Variants in AATF observed in about 807,000 individuals in gnomAD.
The protein encoded by AATF is protein AATF.
A neutral mutation model predicts 63.7 loss-of-function variants in AATF; 48 were observed. The ratio of observed to expected loss-of-function variants is 0.75; its 90% CI spans 0.60 to 0.96. AATF has a LOEUF of 0.96. Among genes scored for constraint, AATF ranks in the 40% least tolerant of loss-of-function variants. The probability of loss-of-function intolerance (pLI) is 0.00; values close to 1 mark genes in which losing one functional copy is unlikely to be tolerated. For missense variants in AATF, 639 were observed against 685.7 expected (o/e 0.93, Z 0.76); for synonymous variants, 258 against 247.7 (o/e 1.04, Z -0.39).
At chr17:37,003,248 G>A (rs2071315803) in intron 8 of AATF, among the ~76,000 whole-genome samples, 1 of 152,050 alleles carries the variant, frequency 6.6e-6, no homozygotes, top group African/African-American at 2.4e-5. Flanking sequence ...GGAGCAACTG[G>A]ATATCCACAT....
At chr17:37,001,616 A>C (rs2071299016) in intron 8 of AATF, among the ~76,000 whole-genome samples, 1 of 152,234 alleles carries the variant, frequency 6.6e-6, no homozygotes, top group African/African-American at 2.4e-5. Context: ...TAGAGACAGC[A>C]AAAGCCTTTA....
intron 8 of AATF, among the ~76,000 whole-genome samples, chr17:37,008,067 A>G (rs978188590): frequency 6.6e-6 from 1 of 152,142 alleles, no homozygotes; most frequent in Non-Finnish European, 1.5e-5. Flanking sequence ...TTTGTTACCT[A>G]TGTTTGAAAA....
chr17:37,032,091 A>G (rs2071556145), intron 11 of AATF, among the ~76,000 whole-genome samples: 1 of 152,196 alleles, frequency 6.6e-6, no homozygotes, highest in African/African-American at 2.4e-5. Context: ...GAGTGTTTTT[A>G]CAAAAGATGT....
rs201847689 is a variant in AATF at position 36,950,203 on chromosome 17, T to G, written c.92-11T>G. The G allele has an allele frequency of 1.2e-6, 2 of 1,609,876 alleles. No individual in the cohort carries two copies. The highest frequency in any genetic ancestry group is 1.7e-6 in the Non-Finnish European group (2 of 1,176,650). ...TGGAGATTCTGTTTACTTTTCCCTC[T>G]CCCCCGACAGCCACTGCTGCCAGGG... On this transcript the variant is annotated splice_polypyrimidine_tract_variant and intron_variant, in intron 1 of 11. Transcript: ENST00000619387.
chr17:37,046,215 C>T (rs2071688996), intron 11 of AATF, among the ~76,000 whole-genome samples: 2 of 152,028 alleles, frequency 1.3e-5, no homozygotes, highest in African/African-American at 2.4e-5. Flanking sequence ...TCAGAAGAGC[C>T]TTGCAAGGCA....
At chr17:36,951,974 A>T (rs1184722585) in intron 2 of AATF, among the ~76,000 whole-genome samples, 3 of 152,230 alleles carry the variant, frequency 2.0e-5, no homozygotes, top group Non-Finnish European at 4.4e-5. Flanking sequence ...CAGATTGGAT[A>T]AACTGTAAAA....
At chr17:36,996,612 C>T (rs375971063) in intron 8 of AATF, among the ~76,000 whole-genome samples, 1 of 152,252 alleles carries the variant, frequency 6.6e-6, no homozygotes, top group South Asian at 2.1e-4. Flanking sequence ...ATTGGAACTG[C>T]ATGGTAGTTT....
chr17:36,966,636 T>C (rs1320317900), intron 4 of AATF, among the ~76,000 whole-genome samples: 1 of 152,234 alleles, frequency 6.6e-6, no homozygotes, highest in East Asian at 1.9e-4. Context: ...GTTCCTTTTC[T>C]GTATAATTAA....
intron 11 of AATF, chr17:37,045,972 T>C (rs1457726713): frequency 3.9e-5 from 6 of 152,074 alleles, no homozygotes; most frequent in African/African-American, 1.4e-4. Flanking sequence ...AAGGATACTA[T>C]TAAAAACCAA....
intron 4 of AATF, among the ~76,000 whole-genome samples, chr17:36,968,117 C>G (rs1396578329): frequency 6.6e-6 from 1 of 151,564 alleles, no homozygotes; most frequent in Non-Finnish European, 1.5e-5. Context: ...TACTTGGCAT[C>G]AGACTGTTTC....
chr17:36,970,107 A>G (rs1362060468), intron 4 of AATF, among the ~76,000 whole-genome samples: 6 of 152,186 alleles, frequency 3.9e-5, no homozygotes, highest in Non-Finnish European at 5.9e-5. Context: ...TTTTATATGG[A>G]CATAGACTTT....
rs61536585 is a variant in AATF at position 37,028,276 on chromosome 17, G to T, written c.1548-3338G>T. On this transcript the variant is annotated intron_variant, in intron 10 of 11. Transcript: ENST00000619387. ...AAAAAAAAAATTTAAAAATTAGCCAGGCATGGTGGCGCACACCTCTAGTCC... is the reference window on the plus strand; with the variant it reads ...AAAAAAAAAATTTAAAAATTAGCCATGCATGGTGGCGCACACCTCTAGTCC... 1.5e-3 allele frequency among the ~76,000 whole-genome samples: 225 copies of T among 152,134 alleles called. 1 individual carries two copies. Among genetic ancestry groups the T allele is most frequent in the African/African-American group, 5.3e-3 (219 of 41,498 alleles).
At chr17:36,989,196 C>T (rs746561646) in intron 6 of AATF, 51 bp from the exon 7 acceptor site, 1 of 1,550,914 alleles carries the variant, frequency 6.4e-7, no homozygotes, top group South Asian at 1.2e-5. Flanking sequence ...ATGTAGCTTG[C>T]CTTCAGCACT....
At chr17:37,004,624 G>A (rs1027050623) in intron 8 of AATF, among the ~76,000 whole-genome samples, 1 of 152,158 alleles carries the variant, frequency 6.6e-6, no homozygotes, top group Non-Finnish European at 1.5e-5. Context: ...GGTAAGGGGT[G>A]AGAGCATGTG....
At chr17:36,957,695 TC>T (rs1438205479) in intron 4 of AATF, among the ~76,000 whole-genome samples, 2 of 150,768 alleles carry the variant, frequency 1.3e-5, no homozygotes, top group East Asian at 3.9e-4. Context: ...ACCTTTCTGA[TC>T]TCTTCTCTGG....
At chr17:37,039,785 G>A (rs2071622480) in intron 11 of AATF, among the ~76,000 whole-genome samples, 1 of 152,142 alleles carries the variant, frequency 6.6e-6, no homozygotes, top group African/African-American at 2.4e-5. Flanking sequence ...AAACACTGCT[G>A]TTGTTTCTTC....
In AATF at chr17:37,056,669, G is replaced by A. The variant is rs375247205; in HGVS notation, c.*5G>A. 3.8e-5 allele frequency: 61 copies of A among 1,613,988 alleles called. No homozygotes were observed. Among genetic ancestry groups the A allele is most frequent in the Non-Finnish European group, 2.7e-5 (32 of 1,180,006 alleles). ...GACGAAGGCCACGGGGATTGACATC[G>A]CCCACCTCCGACACCCAGTGGGCGC... is the stretch of plus-strand genomic sequence containing the variant. On this transcript the variant is annotated 3_prime_UTR_variant, in exon 12 of 12. Coordinates refer to ENST00000619387, the MANE Select transcript of AATF (RefSeq NM_012138.4).
intron 5 of AATF, 98 bp from the exon 6 acceptor site, chr17:36,988,421 T>C: frequency 3.5e-6 from 4 of 1,155,886 alleles, no homozygotes; most frequent in South Asian, 2.9e-5. Context: ...ACAGAACAGG[T>C]AAGGCCTAAA....
chr17:37,038,840 C>T (rs1418337811), intron 11 of AATF, among the ~76,000 whole-genome samples: 2 of 152,064 alleles, frequency 1.3e-5, no homozygotes, highest in Non-Finnish European at 2.9e-5. Context: ...AAGTACTGAG[C>T]ACCAAATACA....
Sources: allele counts gnomAD v4.1 joint callset (sites outside exome capture counted in the v4.1 genomes callset), GRCh38; gene constraint gnomAD v4.1.1; transcripts MANE v1.5; gene names NCBI Gene and HGNC (gene_info 2026-07-23, HGNC 2026-07-21).